Variants in ADAMTSL1 observed in about 807,000 individuals in gnomAD.
The protein encoded by ADAMTSL1 is ADAMTS-like protein 1.
In ADAMTSL1, 126 loss-of-function variants were observed where a neutral mutation model predicts 201.8. That is an observed-to-expected ratio of 0.62 (90% CI 0.54 to 0.72). The LOEUF (loss-of-function observed/expected upper bound fraction) is 0.72, where lower values mean the gene tolerates loss of function less well. ADAMTSL1 is among the 30% of genes least tolerant of loss of function. The pLI is 0.00. For synonymous variants in ADAMTSL1, 1,121 were observed against 903.4 expected (o/e 1.24, Z -4.32); for missense variants, 2,679 against 2,277.8 (o/e 1.18, Z -3.59).
chr9:18,537,721 A>G (rs765248256), intron 3 of ADAMTSL1, among the ~76,000 whole-genome samples: 4 of 151,846 alleles, frequency 2.6e-5, no homozygotes, highest in Admixed American at 6.6e-5. Flanking sequence ...ACAAAACAAA[A>G]ACCAAATATT....
intron 1 of ADAMTSL1, among the ~76,000 whole-genome samples, chr9:17,969,580 C>T (rs2811810): frequency 0.59 from 89,630 of 151,492 alleles, 27,058 homozygotes; most frequent in East Asian, 0.91. Flanking sequence ...TGATCACGAG[C>T]ACTGCTGAGT....
At chr9:18,610,605 T>C (rs939597553) in intron 4 of ADAMTSL1, among the ~76,000 whole-genome samples, 1 of 152,190 alleles carries the variant, frequency 6.6e-6, no homozygotes, top group Non-Finnish European at 1.5e-5. Context: ...TCGATAGCAC[T>C]GTCAAAGAAG....
At chr9:18,901,756 C>G (rs913281470) in intron 26 of ADAMTSL1, among the ~76,000 whole-genome samples, 1 of 152,028 alleles carries the variant, frequency 6.6e-6, no homozygotes, top group Non-Finnish European at 1.5e-5. Flanking sequence ...CAGGGGAAAG[C>G]TATAAGATGT....
intron 2 of ADAMTSL1, among the ~76,000 whole-genome samples, chr9:18,221,735 A>G (rs973309403): frequency 1.3e-5 from 2 of 152,050 alleles, no homozygotes; most frequent in Non-Finnish European, 2.9e-5. Context: ...TTGGCCTTGT[A>G]CATTGTCAAC....
intron 1 of ADAMTSL1, among the ~76,000 whole-genome samples, chr9:18,489,882 C>A (rs1018860639): frequency 2.0e-5 from 3 of 152,162 alleles, no homozygotes; most frequent in African/African-American, 4.8e-5. Context: ...TGTCTCCTAC[C>A]CTTTAACAGA....
intron 4 of ADAMTSL1, among the ~76,000 whole-genome samples, chr9:18,613,065 C>A (rs1452294032): frequency 6.6e-6 from 1 of 152,116 alleles, no homozygotes; most frequent in East Asian, 1.9e-4. Flanking sequence ...TGAACAGGCA[C>A]TTCTCAAAAG....
At chr9:18,560,797 G>A (rs1821436633) in intron 3 of ADAMTSL1, among the ~76,000 whole-genome samples, 1 of 151,878 alleles carries the variant, frequency 6.6e-6, no homozygotes, top group South Asian at 2.1e-4. Context: ...TTGCATACAG[G>A]TGTTTACAGT....
intron 1 of ADAMTSL1, among the ~76,000 whole-genome samples, chr9:18,037,610 T>C (rs2131624523): frequency 6.6e-6 from 1 of 152,312 alleles, no homozygotes; most frequent in Middle Eastern, 3.4e-3. Context: ...TGCTTCCTTT[T>C]AGAGTTCTAA....
At chr9:18,686,801 CAGT>C (rs1406798872) in intron 13 of ADAMTSL1, among the ~76,000 whole-genome samples, 1 of 152,152 alleles carries the variant, frequency 6.6e-6, no homozygotes, top group Non-Finnish European at 1.5e-5. Context: ...TGAAAGCTAT[CAGT>C]GGAGTTTAAT....
rs140819710 is a variant in ADAMTSL1 at position 18,108,456 on chromosome 9, T to C, written c.88-55406T>C. Among the ~76,000 whole-genome samples the C allele has an allele frequency of 7.1e-3, 1,087 of 152,154 alleles. 19 individuals are homozygous for C. Among genetic ancestry groups the C allele is most frequent in the African/African-American group, 0.024 (978 of 41,518 alleles). Reference sequence around the variant, plus strand: ...CTCAAGACATCCTCCCGCCTTGGCCTCCCAAAGTGTTGGGATTACCAGGGT... The same window carrying C: ...CTCAAGACATCCTCCCGCCTTGGCCCCCCAAAGTGTTGGGATTACCAGGGT... On this transcript the variant is annotated intron_variant, in intron 1 of 29. Transcript: ENST00000680146.
chr9:18,277,970 G>A (rs946554592), intron 2 of ADAMTSL1, among the ~76,000 whole-genome samples: 6 of 151,740 alleles, frequency 4.0e-5, no homozygotes, highest in Non-Finnish European at 8.8e-5. Context: ...TGTCATTATC[G>A]TGAAGCTTAC....
intron 2 of ADAMTSL1, among the ~76,000 whole-genome samples, chr9:18,345,005 C>T (rs1000402749): frequency 3.9e-5 from 6 of 152,034 alleles, no homozygotes; most frequent in Non-Finnish European, 7.4e-5. Context: ...TCCTGGCTTC[C>T]GACAAACATG....
At chr9:18,248,134 G>A (rs11790414) in intron 2 of ADAMTSL1, among the ~76,000 whole-genome samples, 5,081 of 152,210 alleles carry the variant, frequency 0.033, 132 homozygotes, top group Non-Finnish European at 0.054. Flanking sequence ...TTTAAGGGAT[G>A]CAGCTTTGAA....
chr9:18,411,196 TTTTA>T (rs1417637436), intron 2 of ADAMTSL1, among the ~76,000 whole-genome samples: 1 of 136,656 alleles, frequency 7.3e-6, no homozygotes, highest in Non-Finnish European at 1.5e-5. Flanking sequence ...ATTTATTTAT[TTTTA>T]TTTATTTATT....
At position 18,889,630 on chromosome 9, in the gene ADAMTSL1, C is replaced by G. The variant is rs915517494; in HGVS notation, c.4525C>G (p.Gln1509Glu). The change falls in exon 25 of 29, where the codon CAG becomes GAG. Residue 1509 changes from glutamine to glutamate, a missense_variant. Transcript: ENST00000380548. ...CSASCGNRGVQQPRLRCLLNS... is the reference protein window; with the variant it reads ...CSASCGNRGVEQPRLRCLLNS... ...AGCCTCCTGTGGTAACCGGGGGGTTCAGCAGCCCCGCTTGAGGTGCCTGCT... is the reference window on the plus strand; with the variant it reads ...AGCCTCCTGTGGTAACCGGGGGGTTGAGCAGCCCCGCTTGAGGTGCCTGCT... The G allele has an allele frequency of 2.5e-6, 4 of 1,613,464 alleles. No individual in the cohort carries two copies. Among genetic ancestry groups the G allele is most frequent in the Non-Finnish European group, 3.4e-6 (4 of 1,179,630 alleles).
chr9:18,270,628 C>G (rs990221240), intron 2 of ADAMTSL1, among the ~76,000 whole-genome samples: 15 of 152,030 alleles, frequency 9.9e-5, no homozygotes, highest in African/African-American at 3.4e-4. Context: ...AACTTTTATC[C>G]AGAAAGGCAA....
chr9:18,771,763 G>T (rs1820707071), intron 17 of ADAMTSL1, among the ~76,000 whole-genome samples: 1 of 125,080 alleles, frequency 8.0e-6, no homozygotes, highest in Non-Finnish European at 1.5e-5. Flanking sequence ...GGAGGGAGCT[G>T]CTGCTGCTTG....
chr9:18,304,986 T>C (rs979251591), intron 2 of ADAMTSL1, among the ~76,000 whole-genome samples: 2 of 152,210 alleles, frequency 1.3e-5, no homozygotes, highest in African/African-American at 4.8e-5. Flanking sequence ...AGGTGATTTC[T>C]GCATTTCCAG....
At position 18,291,758 on chromosome 9, in the gene ADAMTSL1, C is replaced by CAT. The variant is rs1268677657; in HGVS notation, c.207+127778_207+127779insTA. Among the ~76,000 whole-genome samples the CAT allele has an allele frequency of 2.3e-5, 3 of 133,046 alleles. No individual in the cohort carries two copies. The East Asian group carries it at 6.4e-4, about 28-fold the overall frequency. 87.3% of individuals were successfully genotyped at this position (133,046 alleles called of 152,430 possible). ...TCTCTCTCTCTCTCTCACACACACA[C>CAT]ACACACACACACACACACACATCCC... On this transcript the variant is annotated intron_variant, in intron 2 of 29. Coordinates refer to the ADAMTSL1 transcript ENST00000680146.
Sources: gnomAD v4.1 joint callset for allele counts (sites outside exome capture counted in the v4.1 genomes callset) on GRCh38, gnomAD v4.1.1 for gene constraint, MANE v1.5 for transcripts, NCBI Gene and HGNC (gene_info 2026-07-23, HGNC 2026-07-21) for gene names.